Variants in CHD8 observed in about 807,000 individuals in gnomAD.
CHD8 encodes the protein chromodomain helicase DNA binding protein 8.
CHD8 carries 31 observed loss-of-function variants against 279.2 expected under a neutral mutation model. That is an observed-to-expected ratio of 0.11 (90% confidence interval 0.08 to 0.15). The LOEUF (loss-of-function observed/expected upper bound fraction) is 0.15, where lower values mean the gene tolerates loss of function less well. Ranked by LOEUF, CHD8 falls within the 10% of genes least tolerant of loss-of-function variation. The pLI is 1.00. For synonymous variants in CHD8, 1,081 were observed against 1,139.6 expected (o/e 0.95, Z 1.04); for missense variants, 2,146 against 3,230.5 (o/e 0.66, Z 8.14).
At chr14:21,442,032 G>A (rs1889990248) in intron 1 of CHD8, among the ~76,000 whole-genome samples, 1 of 152,248 alleles carries the variant, frequency 6.6e-6, no homozygotes, top group Non-Finnish European at 1.5e-5. Flanking sequence ...TAGCAACTAA[G>A]TGTTAGCTGT....
In CHD8 at chr14:21,393,143, A is replaced by G; in HGVS notation, c.6431T>C (p.Leu2144Pro). 1 of 1,613,960 alleles carries G rather than the reference A, an allele frequency of 6.2e-7. No homozygotes were observed. Among genetic ancestry groups the G allele is most frequent in the Non-Finnish European group, 8.5e-7 (1 of 1,179,880 alleles). ...AGAGGCTCTTTGTCTTTCCTGCAGT[A>G]GCAGAAGCTCAGGGGTCATTTGTTC... ...DGEQMTPELL[L>P]LQERQRASEW... The change falls in exon 33 of 38, where the codon CTA becomes CCA. Residue 2144 changes from leucine to proline, a missense_variant. Leu to Pro is a moderately conservative substitution (Grantham distance 98). Around this residue, in one of 26 missense-constraint regions of CHD8, gnomAD observed 513 missense variants for 637.6 expected, o/e 0.80. Transcript: ENST00000646647.
In CHD8 at chr14:21,405,663, T is replaced by C; in HGVS notation, c.3051+58A>G. ...ATACCCATGACAACAGATGTCTGCC[T>C]TGTACAAACTTCACCTTCTTTGTCC... On this transcript the variant is annotated intron_variant, in intron 15 of 37. Coordinates refer to ENST00000646647, the MANE Select transcript of CHD8 (RefSeq NM_001170629.2). The surrounding 1 kb of genome is among the most constrained non-coding windows in gnomAD (Gnocchi z 4.2). 8 of 1,588,486 alleles carry C rather than the reference T, an allele frequency of 5.0e-6. No homozygotes were observed. Among genetic ancestry groups the C allele is most frequent in the Non-Finnish European group, 6.9e-6 (8 of 1,161,962 alleles).
At chr14:21,443,931 C>T (rs916685764) in intron 1 of CHD8, among the ~76,000 whole-genome samples, 5 of 151,554 alleles carry the variant, frequency 3.3e-5, no homozygotes, top group Admixed American at 2.0e-4. Context: ...TTTCTGATAC[C>T]TACTTTCCAC....
At chr14:21,395,204 G>A (rs1049781253) in intron 29 of CHD8, 85 bp from the exon 30 acceptor site, 7 of 1,529,038 alleles carry the variant, frequency 4.6e-6, no homozygotes, top group Non-Finnish European at 6.3e-6. Flanking sequence ...CAAAGGCAAA[G>A]CTCTTAGAAA....
In CHD8 at chr14:21,408,348, C is replaced by G; in HGVS notation, c.2694G>C (p.Met898Ile). 6.2e-7 allele frequency: 1 copy of G among 1,613,844 alleles called. No homozygotes were observed. The highest frequency in any genetic ancestry group is 8.5e-7 in the Non-Finnish European group (1 of 1,179,874). The part of the protein sequence containing the change: ...VYHGSLASRQ[M>I]IQQYEMYCKD... Reference sequence around the variant, plus strand: ...TGCAGTACATTTCATACTGTTGAATCATCTGCCTGCTGGCCAGACTGCCAT... The same window carrying G: ...TGCAGTACATTTCATACTGTTGAATGATCTGCCTGCTGGCCAGACTGCCAT... Residue 898 changes from methionine (M) to isoleucine (I), a missense_variant, in exon 13 of 38, where the codon ATG becomes ATC. Met to Ile is a conservative substitution (Grantham distance 10). This residue lies in a region of CHD8 where 211 missense variants were observed against 464.7 expected (regional missense o/e 0.45). Transcript: ENST00000646647. This position sits in a 1 kb window ranked among gnomAD's most constrained non-coding sequence, Gnocchi z 4.3.
chr14:21,447,293 C>A (rs1318080928), intron 1 of CHD8, among the ~76,000 whole-genome samples: 3 of 152,072 alleles, frequency 2.0e-5, no homozygotes, highest in African/African-American at 4.8e-5. Context: ...TGTTAGTTAC[C>A]CCGTTAGGGT....
intron 37 of CHD8, among the ~76,000 whole-genome samples, chr14:21,389,752 T>C (rs1241093245): frequency 4.6e-5 from 7 of 152,216 alleles, no homozygotes; most frequent in Non-Finnish European, 1.0e-4. Flanking sequence ...TTATCCATCA[T>C]AAAAGTATAA....
intron 37 of CHD8, 25 bp downstream of exon 37, chr14:21,390,922 G>A (rs1276863433): frequency 9.4e-7 from 1 of 1,066,018 alleles, no homozygotes; most frequent in Non-Finnish European, 1.4e-6. Flanking sequence ...TGGGAATAGA[G>A]TGGTAATGCT....
At chr14:21,452,742 T>C (rs536030562) in intron 1 of CHD8, among the ~76,000 whole-genome samples, 124 of 151,592 alleles carry the variant, frequency 8.2e-4, no homozygotes, top group African/African-American at 2.9e-3. Flanking sequence ...TCCCAGCGAT[T>C]TGGGTGGCCG....
At chr14:21,430,743 A>C in intron 2 of CHD8, 58 bp downstream of exon 2, 1 of 1,081,472 alleles carries the variant, frequency 9.2e-7, no homozygotes, top group African/African-American at 1.6e-5. Flanking sequence ...CACTCTCTCA[A>C]AGAGTTGCTG....
Position 21,412,842 on chromosome 14 carries a change from T to A in CHD8, c.2226+71A>T, listed in dbSNP as rs182081059. ...GGATTCTGCATCCATACCCGAAAAA[T>A]AAAGGATTGGCAAACCCACCAGCAG... is the stretch of plus-strand genomic sequence containing the variant. On this transcript the variant is annotated intron_variant, in intron 10 of 37. Coordinates refer to ENST00000646647, the MANE Select transcript of CHD8 (RefSeq NM_001170629.2). 5.1e-5 allele frequency: 48 copies of A among 935,700 alleles called. No individual in the cohort carries two copies. The African/African-American group carries it at 7.0e-4, about 14-fold the overall frequency. The allele number at this position is 935,700 out of a possible 1,614,324, so 58.0% of individuals were successfully genotyped here. A position where few individuals can be genotyped will look rare whatever the true frequency, so the allele number is the denominator to read the frequency against.
Position 21,393,821 on chromosome 14 carries a change from G to A in CHD8, c.5974C>T (p.Arg1992Cys), listed in dbSNP as rs752329547. 2.6e-5 allele frequency: 42 copies of A among 1,613,864 alleles called. No individual in the cohort carries two copies. Among genetic ancestry groups the A allele is most frequent in the African/African-American group, 6.7e-5 (5 of 74,932 alleles). ...CGCAGGGGCAGTGGTGAGGCAGTGCGTGAGGTATACTGCTGGTGCAGCAGT... is the reference window on the plus strand; with the variant it reads ...CGCAGGGGCAGTGGTGAGGCAGTGCATGAGGTATACTGCTGGTGCAGCAGT... ...TPLLHQQYTS[R>C]TASPLPLRPD... is the part of the protein sequence containing the mutation. The change falls in exon 32 of 38, where the codon CGC becomes TGC. Residue 1992 changes from arginine to cysteine, a missense_variant. By Grantham distance (180) the Arg-to-Cys change is radical (BLOSUM62 -3). Around this residue, in one of 26 missense-constraint regions of CHD8, gnomAD observed 513 missense variants for 637.6 expected, o/e 0.80. Coordinates refer to ENST00000646647, the MANE Select transcript of CHD8 (RefSeq NM_001170629.2).
In CHD8 at chr14:21,399,977, T is replaced by G; in HGVS notation, c.4817+4A>C. 1 of 1,611,466 alleles carries G rather than the reference T, an allele frequency of 6.2e-7. No individual in the cohort carries two copies. Among genetic ancestry groups the G allele is most frequent in the Non-Finnish European group, 8.5e-7 (1 of 1,178,792 alleles). ...TAAATCAAAAAAATATAGCAGAATT[T>G]TACCTGGCAATCGCACCCCCTAACA... On this transcript the variant is annotated splice_donor_region_variant and intron_variant, in intron 25 of 37. Coordinates refer to ENST00000646647, the MANE Select transcript of CHD8 (RefSeq NM_001170629.2).
chr14:21,442,563 T>C (rs1275290805), intron 1 of CHD8, among the ~76,000 whole-genome samples: 1 of 150,060 alleles, frequency 6.7e-6, no homozygotes, highest in Non-Finnish European at 1.5e-5. Flanking sequence ...CGCTTAAGGC[T>C]TCAGTGAGCC....
rs755659113 is a variant in CHD8, at chr14:21,391,627, T to G, written c.6901A>C (p.Met2301Leu). ...ACATCAAGGTGATTAGGCTCTTCCA[T>G]GCACTCCACCTCCAGCTGCAAACCC... is the stretch of plus-strand genomic sequence containing the variant. Reference protein sequence around the residue: ...KKLVELEVECMEEPNHLDVDL... With the variant: ...KKLVELEVECLEEPNHLDVDL... The change falls in exon 36 of 38, where the codon ATG (methionine) becomes CTG (leucine). Residue 2301 changes from methionine (M) to leucine (L), a missense_variant. Met to Leu is a conservative substitution (Grantham distance 15). Around this residue, in one of 26 missense-constraint regions of CHD8, gnomAD observed 336 missense variants for 392.9 expected, o/e 0.86. Coordinates refer to ENST00000646647, the MANE Select transcript of CHD8 (RefSeq NM_001170629.2). The G allele has an allele frequency of 1.3e-6, 2 of 1,564,260 alleles. No homozygotes were observed. The highest frequency in any genetic ancestry group is 2.4e-5 in the East Asian group (1 of 41,918).
chr14:21,423,548 G>A (rs1465976515), intron 5 of CHD8, among the ~76,000 whole-genome samples: 1 of 151,822 alleles, frequency 6.6e-6, no homozygotes, highest in Non-Finnish European at 1.5e-5. Flanking sequence ...GGGAGTCAGG[G>A]GGTGCAGTAA....
rs771559705 is a variant in CHD8, at chr14:21,415,758, A to G, written c.1866T>C (p.Asp622=). Residue 622 remains aspartate, a synonymous_variant, in exon 6 of 38, where the codon GAT becomes GAC. Coordinates refer to ENST00000646647, the MANE Select transcript of CHD8 (RefSeq NM_001170629.2). ...ACTGCATGGAAGGCAAAGTCTCGCC[A>G]TCTGGTTCTTGCACTGGTTCAGGGA... ...PILPEPVQEP[D]GETLPSMQFF... 2 of 1,613,868 alleles carry G rather than the reference A, an allele frequency of 1.2e-6. No individual in the cohort carries two copies. Among genetic ancestry groups the G allele is most frequent in the Non-Finnish European group, 1.7e-6 (2 of 1,179,816 alleles).
At chr14:21,451,560 A>G (rs1338818307) in intron 1 of CHD8, among the ~76,000 whole-genome samples, 6 of 127,796 alleles carry the variant, frequency 4.7e-5, no homozygotes, top group African/African-American at 1.8e-4. Context: ...CAACAGAGTG[A>G]GACTCTGTCT....
In CHD8 at chr14:21,419,465, CAGA is replaced by C. The variant is rs1248607830; in HGVS notation, c.1717-3561_1717-3559del. Among the ~76,000 whole-genome samples, 3 of 152,032 alleles carry C rather than the reference CAGA, an allele frequency of 2.0e-5. No homozygotes were observed. In the East Asian group the frequency reaches 5.8e-4, roughly 29 times the overall value. On this transcript the variant is annotated intron_variant, in intron 5 of 37. Transcript: ENST00000646647. ...GTCTCAGCTACTCCGGAGGCTGAGG[CAGA>C]AGAATTGCTTGAACCCGGGAGGCAG...
Sources: gnomAD v4.1 joint callset for allele counts (sites outside exome capture counted in the v4.1 genomes callset) on GRCh38, gnomAD v4.1.1 for gene constraint, gnomAD v4.1.1 regional missense constraint, Gnocchi (gnomAD v3.1) non-coding constraint, MANE v1.5 for transcripts, NCBI Gene and HGNC (gene_info 2026-07-23, HGNC 2026-07-21) for gene names.